WBP1L: variants seen among roughly 807,000 people sequenced by gnomAD.
WBP1L encodes WW domain binding protein 1 like.
A neutral mutation model predicts 33.7 loss-of-function variants in WBP1L; 17 were observed. The ratio of observed to expected loss-of-function variants is 0.50; its 90% CI spans 0.34 to 0.76. The LOEUF (loss-of-function observed/expected upper bound fraction) is 0.76. WBP1L is among the 30% of genes least tolerant of loss of function. The pLI is 0.01. For missense variants in WBP1L, 389 were observed against 469.4 expected (o/e 0.83, Z 1.58); for synonymous variants, 173 against 190.8 (o/e 0.91, Z 0.77).
chr10:102,772,647 G>A (rs2134039607), intron 1 of WBP1L, among the ~76,000 whole-genome samples: 1 of 130,046 alleles, frequency 7.7e-6, no homozygotes, highest in Non-Finnish European at 1.5e-5. Flanking sequence ...TTGGCTCACT[G>A]CAACCTCTCC....
chr10:102,768,541 C>T lies in WBP1L; in HGVS notation c.90+24398C>T, dbSNP rs1246131445. ...AGCTGTGACTACAGGCGCCCGCCAC[C>T]GCGCCCGGCTAATTTTTTTTTGTAT... is the stretch of plus-strand genomic sequence containing the variant. On this transcript the variant is annotated intron_variant, in intron 1 of 3. Coordinates refer to ENST00000448841, the MANE Select transcript of WBP1L (RefSeq NM_001083913.2). Among the ~76,000 whole-genome samples the T allele has an allele frequency of 6.8e-5, 4 of 58,774 alleles. 2 individuals carry two copies. Among genetic ancestry groups the T allele is most frequent in the Non-Finnish European group, 1.3e-4 (4 of 30,670 alleles). The allele number at this position is 58,774 out of a possible 152,430, so 38.6% of individuals were successfully genotyped here.
chr10:102,766,768 G>A (rs1843116807), intron 1 of WBP1L, among the ~76,000 whole-genome samples: 1 of 151,920 alleles, frequency 6.6e-6, no homozygotes, highest in Non-Finnish European at 1.5e-5. Flanking sequence ...GGAGGCGGAG[G>A]TTGCAGTGAG....
intron 1 of WBP1L, among the ~76,000 whole-genome samples, chr10:102,779,319 T>A (rs182669701): frequency 6.6e-6 from 1 of 151,496 alleles, no homozygotes; most frequent in Non-Finnish European, 1.5e-5. Flanking sequence ...ATCATTCTTG[T>A]TGAGTCTCGT....
chr10:102,805,548 C>A (rs1843720339), intron 2 of WBP1L, among the ~76,000 whole-genome samples: 1 of 151,874 alleles, frequency 6.6e-6, no homozygotes, highest in South Asian at 2.1e-4. Flanking sequence ...TAGTTGTGAG[C>A]CACTGCGCCA....
In WBP1L at chr10:102,792,622, T is replaced by C. The variant is rs570383458; in HGVS notation, c.91-5371T>C. The stretch of plus-strand genomic sequence containing the variant: ...TTTTTTTTTTTTTTTGAGACAGTGT[T>C]TCGCTCTTGTTGCCCAGGCTGGCGT... On this transcript the variant is annotated intron_variant, in intron 1 of 3. Transcript: ENST00000448841. Among the ~76,000 whole-genome samples, 106 of 150,546 alleles carry C rather than the reference T, an allele frequency of 7.0e-4. 2 individuals are homozygous for C. The East Asian group carries it at 0.016, about 23-fold the overall frequency.
intron 1 of WBP1L, among the ~76,000 whole-genome samples, chr10:102,785,695 G>T (rs1843405918): frequency 6.6e-6 from 1 of 152,204 alleles, no homozygotes; most frequent in Non-Finnish European, 1.5e-5. Context: ...TGCTCTGCCT[G>T]AGTGCCACCT....
intron 2 of WBP1L, among the ~76,000 whole-genome samples, chr10:102,809,675 C>T (rs576091657): frequency 6.6e-6 from 1 of 152,344 alleles, no homozygotes; most frequent in East Asian, 1.9e-4. Flanking sequence ...TGTCATCATT[C>T]TTACATTCCT....
intron 2 of WBP1L, among the ~76,000 whole-genome samples, chr10:102,805,465 T>A (rs1036083412): frequency 6.6e-6 from 1 of 151,496 alleles, no homozygotes; most frequent in African/African-American, 2.4e-5. Flanking sequence ...AGAGATGGGA[T>A]CTCGCTGTGT....
chr10:102,778,045 C>G (rs1843290248), intron 1 of WBP1L, among the ~76,000 whole-genome samples: 1 of 152,072 alleles, frequency 6.6e-6, no homozygotes, highest in African/African-American at 2.4e-5. Context: ...CGTTCATATC[C>G]CAGCTTCCCT....
At chr10:102,807,405 A>G (rs1256780989) in intron 2 of WBP1L, among the ~76,000 whole-genome samples, 1 of 151,840 alleles carries the variant, frequency 6.6e-6, no homozygotes, top group Non-Finnish European at 1.5e-5. Flanking sequence ...TTAAGACTGA[A>G]TCTCACTCGG....
At chr10:102,804,422 A>T (rs144005899) in intron 2 of WBP1L, among the ~76,000 whole-genome samples, 34,638 of 98,830 alleles carry the variant, frequency 0.35, 4,726 homozygotes, top group Non-Finnish European at 0.46. Context: ...TTTTTTTTAA[A>T]AAAAAAATTA....
intron 3 of WBP1L, 63 bp downstream of exon 3, chr10:102,810,117 C>T (rs1316636877): frequency 2.6e-6 from 4 of 1,542,604 alleles, no homozygotes; most frequent in Non-Finnish European, 3.5e-6. Context: ...CCAGGGCTCA[C>T]ACTGAATATT....
chr10:102,809,889 C>G lies in WBP1L; in HGVS notation c.194-4C>G. 3 of 1,608,774 alleles carry G rather than the reference C, an allele frequency of 1.9e-6. No individual in the cohort carries two copies. The highest frequency in any genetic ancestry group is 2.5e-6 in the Non-Finnish European group (3 of 1,177,476). On this transcript the variant is annotated splice_region_variant and splice_polypyrimidine_tract_variant and intron_variant, in intron 2 of 3. Coordinates refer to ENST00000448841, the MANE Select transcript of WBP1L (RefSeq NM_001083913.2). ...CTCTCTGTCTTGCCTTGCCCACCCC[C>G]CAGGGTTCTGGCTGGTGTGGACCAT...
intron 2 of WBP1L, among the ~76,000 whole-genome samples, chr10:102,799,074 C>G (rs1843615073): frequency 6.6e-6 from 1 of 152,280 alleles, no homozygotes; most frequent in East Asian, 1.9e-4. Context: ...GCTTATAATC[C>G]CAGCACCCTG....
chr10:102,811,829 C>G (rs1843846276), intron 3 of WBP1L, among the ~76,000 whole-genome samples: 1 of 152,204 alleles, frequency 6.6e-6, no homozygotes, highest in Non-Finnish European at 1.5e-5. Context: ...AGTTCCACAT[C>G]TAGAGGGGTT....
intron 1 of WBP1L, among the ~76,000 whole-genome samples, chr10:102,754,927 T>G (rs12252119): frequency 0.016 from 2,405 of 151,842 alleles, 67 homozygotes; most frequent in African/African-American, 0.055. Flanking sequence ...GGAATCTTGG[T>G]CTGTCACCCA....
chr10:102,810,530 CA>C (rs1843820745), intron 3 of WBP1L, among the ~76,000 whole-genome samples: 3 of 89,798 alleles, frequency 3.3e-5, no homozygotes, highest in African/African-American at 8.1e-5. Flanking sequence ...TCCTTCCTTC[CA>C]TCCATCCTCC....
intron 1 of WBP1L, among the ~76,000 whole-genome samples, chr10:102,797,488 AT>A (rs746080316): frequency 6.6e-6 from 1 of 151,860 alleles, no homozygotes; most frequent in Non-Finnish European, 1.5e-5. Context: ...AATAAACCAT[AT>A]TTTTTCCCCT....
chr10:102,751,469 A>G (rs1394124980), intron 1 of WBP1L, among the ~76,000 whole-genome samples: 1 of 150,576 alleles, frequency 6.6e-6, no homozygotes, highest in Non-Finnish European at 1.5e-5. Flanking sequence ...ACCCACACCC[A>G]GTTAATTTTT....
Sources: gnomAD v4.1 joint callset for allele counts (sites outside exome capture counted in the v4.1 genomes callset) on GRCh38, gnomAD v4.1.1 for gene constraint, MANE v1.5 for transcripts, NCBI Gene and HGNC (gene_info 2026-07-23, HGNC 2026-07-21) for gene names.